The following SUSD4 variants were observed in gnomAD, a reference collection of about 807,000 sequenced individuals.
SUSD4 encodes sushi domain-containing protein 4.
In SUSD4, 41 loss-of-function variants were observed where a neutral mutation model predicts 50.5. That is an observed-to-expected ratio of 0.81 (90% CI 0.63 to 1.05). SUSD4 has a LOEUF of 1.05. Among genes scored for constraint, SUSD4 ranks in the 50% least tolerant of loss-of-function variants. The probability of loss-of-function intolerance (pLI) is 0.00; values close to 1 mark genes in which losing one functional copy is unlikely to be tolerated. For missense variants in SUSD4, 580 were observed against 634.7 expected, an observed-to-expected ratio of 0.91 and a Z score of 0.93; for synonymous variants, 257 against 257.3, an observed-to-expected ratio of 1.00 and a Z score of 0.01.
intron 5 of SUSD4, among the ~76,000 whole-genome samples, chr1:223,236,851 T>C (rs768738791): frequency 2.0e-5 from 3 of 152,100 alleles, no homozygotes; most frequent in Non-Finnish European, 2.9e-5. Context: ...TGCTTCCCCA[T>C]ATAAACTTTA....
At chr1:223,248,975 G>A (rs1200773393) in intron 5 of SUSD4, among the ~76,000 whole-genome samples, 2 of 152,110 alleles carry the variant, frequency 1.3e-5, no homozygotes, top group Admixed American at 1.3e-4. Flanking sequence ...GACAGCAGCG[G>A]GGAATGGCTG....
chr1:223,353,273 C>T (rs1395389770), intron 2 of SUSD4, among the ~76,000 whole-genome samples: 1 of 152,148 alleles, frequency 6.6e-6, no homozygotes, highest in Non-Finnish European at 1.5e-5. Flanking sequence ...CGTGGGAAGG[C>T]GTTTACATGC....
At chr1:223,293,272 A>G (rs890340906) in intron 2 of SUSD4, among the ~76,000 whole-genome samples, 1 of 152,012 alleles carries the variant, frequency 6.6e-6, no homozygotes, top group African/African-American at 2.4e-5. Flanking sequence ...GACCTATCCA[A>G]GTTTCTCCTC....
At chr1:223,235,378 G>C (rs1030026676) in intron 5 of SUSD4, among the ~76,000 whole-genome samples, 1 of 151,984 alleles carries the variant, frequency 6.6e-6, no homozygotes, top group Non-Finnish European at 1.5e-5. Context: ...ACTCAGAGTC[G>C]AGTTTACATT....
At chr1:223,240,426 CAT>C (rs1660500087) in intron 5 of SUSD4, among the ~76,000 whole-genome samples, 1 of 152,018 alleles carries the variant, frequency 6.6e-6, no homozygotes. Context: ...CTCCATTACA[CAT>C]ATGTTTCACC....
At chr1:223,255,616 A>G (rs2103052913) in intron 5 of SUSD4, among the ~76,000 whole-genome samples, 1 of 152,290 alleles carries the variant, frequency 6.6e-6, no homozygotes, top group East Asian at 1.9e-4. Context: ...CTTATGTTCC[A>G]GAACCCCTGG....
At chr1:223,304,437 A>T (rs1277231815) in intron 2 of SUSD4, among the ~76,000 whole-genome samples, 2 of 152,116 alleles carry the variant, frequency 1.3e-5, no homozygotes, top group Admixed American at 1.3e-4. Flanking sequence ...ATCAATTTTA[A>T]GGGTCTTGAC....
chr1:223,289,455 G>C (rs1340799272), intron 3 of SUSD4, among the ~76,000 whole-genome samples: 1 of 152,168 alleles, frequency 6.6e-6, no homozygotes, highest in Non-Finnish European at 1.5e-5. Context: ...GGATGAGGTG[G>C]GAATAAAAGA....
intron 5 of SUSD4, among the ~76,000 whole-genome samples, chr1:223,246,082 C>T (rs538071613): frequency 1.3e-5 from 2 of 152,160 alleles, no homozygotes; most frequent in East Asian, 1.9e-4. Context: ...TTTACAGCCA[C>T]GGGACTGCAC....
chr1:223,293,477 T>A (rs749987324), intron 2 of SUSD4, among the ~76,000 whole-genome samples: 32 of 152,168 alleles, frequency 2.1e-4, no homozygotes, highest in Non-Finnish European at 2.4e-4. Flanking sequence ...GTCTTCTGTA[T>A]TCAGTGCTCC....
intron 5 of SUSD4, among the ~76,000 whole-genome samples, chr1:223,261,274 T>C (rs1396620907): frequency 6.6e-6 from 1 of 152,254 alleles, no homozygotes; most frequent in African/African-American, 2.4e-5. Context: ...TGTTTTGCTT[T>C]AAGAAAATGC....
At chr1:223,238,620 A>C (rs1404840090) in intron 5 of SUSD4, among the ~76,000 whole-genome samples, 2 of 151,910 alleles carry the variant, frequency 1.3e-5, no homozygotes, top group Non-Finnish European at 2.9e-5. Context: ...TTAGAAGTAC[A>C]TTGTCTGCAT....
At chr1:223,330,729 A>C (rs1302537252) in intron 2 of SUSD4, among the ~76,000 whole-genome samples, 1 of 152,224 alleles carries the variant, frequency 6.6e-6, no homozygotes, top group Non-Finnish European at 1.5e-5. Flanking sequence ...AGTGGAGACA[A>C]ATTCAAGTAA....
At chr1:223,326,522 T>A (rs576077566) in intron 2 of SUSD4, among the ~76,000 whole-genome samples, 2 of 152,114 alleles carry the variant, frequency 1.3e-5, no homozygotes, top group Admixed American at 1.3e-4. Context: ...AAAGAGCTTC[T>A]GTACAGCAAA....
At chr1:223,322,092 C>T (rs546638845) in intron 2 of SUSD4, among the ~76,000 whole-genome samples, 8 of 152,142 alleles carry the variant, frequency 5.3e-5, no homozygotes, top group Non-Finnish European at 1.2e-4. Context: ...TTTTGGATTT[C>T]GGATTTCCGG....
chr1:223,355,586 T>G (rs1668617970), intron 2 of SUSD4, among the ~76,000 whole-genome samples: 1 of 152,194 alleles, frequency 6.6e-6, no homozygotes, highest in African/African-American at 2.4e-5. Context: ...CATATGTATT[T>G]TATAAATGTA....
chr1:223,278,044 A>T (rs1046931148), intron 3 of SUSD4, among the ~76,000 whole-genome samples: 2 of 152,078 alleles, frequency 1.3e-5, no homozygotes, highest in Non-Finnish European at 2.9e-5. Context: ...CTAAGTTCTG[A>T]TGCAGGTAGT....
chr1:223,292,717 C>T (rs568137133), intron 2 of SUSD4, 66 bp from the exon 3 acceptor site: 2 of 1,532,274 alleles, frequency 1.3e-6, no homozygotes, highest in East Asian at 2.3e-5. Flanking sequence ...GGCCTTCCTA[C>T]ATAAATGGCA....
intron 2 of SUSD4, among the ~76,000 whole-genome samples, chr1:223,296,041 T>C (rs1161156456): frequency 7.2e-6 from 1 of 138,486 alleles, no homozygotes; most frequent in Non-Finnish European, 1.7e-5. Flanking sequence ...GACAGATCAA[T>C]TGAGCCTGGC....
Sources: allele counts gnomAD v4.1 joint callset (sites outside exome capture counted in the v4.1 genomes callset), GRCh38; gene constraint gnomAD v4.1.1; transcripts MANE v1.5; gene names NCBI Gene and HGNC (gene_info 2026-07-23, HGNC 2026-07-21).